Variants in STAMBP observed in about 807,000 individuals in gnomAD.
The protein encoded by STAMBP is STAM binding protein.
In STAMBP, 31 loss-of-function variants were observed where a neutral mutation model predicts 50.7. That is an observed-to-expected ratio of 0.61 (90% CI 0.46 to 0.83). STAMBP has a LOEUF of 0.83. Ranked by LOEUF, STAMBP falls within the 40% of genes least tolerant of loss-of-function variation. The pLI is 0.00. For synonymous variants in STAMBP, 211 were observed against 192.4 expected, an observed-to-expected ratio of 1.10 and a Z score of -0.80; for missense variants, 472 against 518.9, an observed-to-expected ratio of 0.91 and a Z score of 0.88.
In STAMBP at chr2:73,829,186, G is replaced by C. The variant is rs17009399; in HGVS notation, c.-337G>C. The C allele has an allele frequency of 0.19, 28,650 of 152,280 alleles. 4,994 individuals are homozygous for C. The highest frequency in any genetic ancestry group is 0.47 in the African/African-American group (19,347 of 41,494). The allele number at this position is 152,280 out of a possible 1,614,324, so 9.4% of individuals were successfully genotyped here. On this transcript the variant is annotated 5_prime_UTR_variant, in exon 1 of 10. Transcript: ENST00000394070. ...GGCGCCTGACCAGCCAGGCCCAGCG[G>C]TTCCCCGCCTACTGCATTTGAAAGA...
At chr2:73,838,426 G>A (rs1473227654) in intron 2 of STAMBP, among the ~76,000 whole-genome samples, 1 of 152,172 alleles carries the variant, frequency 6.6e-6, no homozygotes, top group African/African-American at 2.4e-5. Context: ...GAAAAATGGG[G>A]AAGTAGTTGA....
Position 73,850,428 on chromosome 2 carries a change from G to T in STAMBP, c.920G>T (p.Gly307Val). ...GTTCTCATCCCCAAGCAAAGTGCTG[G>T]GTCTGATTACTGCAACACAGAGAAC... ...THVLIPKQSA[G>V]SDYCNTENEE... Residue 307 changes from glycine (G) to valine (V), a missense_variant, in exon 7 of 10, where the codon GGG becomes GTG. Coordinates refer to ENST00000394070, the MANE Select transcript of STAMBP (RefSeq NM_213622.4). The surrounding 1 kb of genome is among the most constrained non-coding windows in gnomAD (Gnocchi z 4.3). 2 of 1,613,788 alleles carry T rather than the reference G, an allele frequency of 1.2e-6. No individual in the cohort carries two copies. Among genetic ancestry groups the T allele is most frequent in the Non-Finnish European group, 1.7e-6 (2 of 1,179,928 alleles).
chr2:73,833,797 GC>G (rs1436905163), intron 2 of STAMBP, among the ~76,000 whole-genome samples: 1 of 152,034 alleles, frequency 6.6e-6, no homozygotes, highest in Non-Finnish European at 1.5e-5. Flanking sequence ...GAGTAAAATG[GC>G]CCCTGTCCTT....
At chr2:73,869,347 AC>A (rs144813897), downstream of STAMBP, among the ~76,000 whole-genome samples, 1,314 of 152,312 alleles carry the variant, frequency 8.6e-3, 16 homozygotes, top group Non-Finnish European at 0.01. Flanking sequence ...TATGAAGAAA[AC>A]CAGTAAGCTT....
intron 4 of STAMBP, among the ~76,000 whole-genome samples, chr2:73,846,290 G>T (rs1454374526): frequency 6.6e-6 from 1 of 151,744 alleles, no homozygotes; most frequent in Non-Finnish European, 1.5e-5. Context: ...AAATTTCAGA[G>T]GCCTCATTTT....
chr2:73,855,309 T>C (rs1210047924), intron 7 of STAMBP, among the ~76,000 whole-genome samples: 1 of 152,206 alleles, frequency 6.6e-6, no homozygotes, highest in East Asian at 1.9e-4. Context: ...GTTTTCTCTT[T>C]GTCAAAGTGC....
chr2:73,846,399 G>A (rs1399607298), intron 4 of STAMBP, among the ~76,000 whole-genome samples: 3 of 150,514 alleles, frequency 2.0e-5, no homozygotes, highest in Non-Finnish European at 3.0e-5. Context: ...CCAGGAGTTC[G>A]AGACCAGCCT....
chr2:73,856,970 C>A (rs971813089), intron 7 of STAMBP, among the ~76,000 whole-genome samples: 2 of 152,172 alleles, frequency 1.3e-5, no homozygotes, highest in Admixed American at 6.5e-5. Context: ...CACACACCAA[C>A]CCCAGGGAAG....
intron 5 of STAMBP, among the ~76,000 whole-genome samples, chr2:73,849,093 G>A (rs1212515682): frequency 6.6e-6 from 1 of 152,178 alleles, no homozygotes; most frequent in South Asian, 2.1e-4. Context: ...TTTTCTTAAG[G>A]TAGTAGTTTG....
chr2:73,836,116 C>T (rs1381100415), intron 2 of STAMBP, among the ~76,000 whole-genome samples: 1 of 152,128 alleles, frequency 6.6e-6, no homozygotes, highest in Non-Finnish European at 1.5e-5. Context: ...AAAATCCATA[C>T]ATGTATTTAC....
chr2:73,868,089 G>T (rs1461634193), downstream of STAMBP, among the ~76,000 whole-genome samples: 1 of 147,064 alleles, frequency 6.8e-6, no homozygotes, highest in Non-Finnish European at 1.5e-5. Context: ...ACGCCATTGC[G>T]CTCCAGCCTG....
intron 1 of STAMBP, 78 bp downstream of exon 1, chr2:73,829,588 AG>A (rs1278786974): frequency 6.6e-6 from 1 of 152,140 alleles, no homozygotes; most frequent in Non-Finnish European, 1.5e-5. Flanking sequence ...TTACTTGGGG[AG>A]GTTTTAGATA....
intron 8 of STAMBP, 78 bp from the exon 9 acceptor site, chr2:73,859,974 G>GGTGT: frequency 2.1e-6 from 2 of 968,152 alleles, no homozygotes; most frequent in Non-Finnish European, 3.3e-6. Context: ...TGTGCATGCT[G>GGTGT]GTGTGTGTGT....
In STAMBP at chr2:73,850,505, T is replaced by G. The variant is rs746961743; in HGVS notation, c.997T>G (p.Trp333Gly). 14 of 1,613,084 alleles carry G rather than the reference T, an allele frequency of 8.7e-6. No homozygotes were observed. Among genetic ancestry groups the G allele is most frequent in the Non-Finnish European group, 1.2e-5 (14 of 1,179,606 alleles). Reference sequence around the variant, plus strand: ...TCAGCAGGGCCTCATCACACTGGGCTGGATTCATGTAAGCAATTCTGAGCT... The same window carrying G: ...TCAGCAGGGCCTCATCACACTGGGCGGGATTCATGTAAGCAATTCTGAGCT... The part of the protein sequence containing the change: ...QDQQGLITLG[W>G]IHTHPTQTAF... The change falls in exon 7 of 10, where the codon TGG becomes GGG. Residue 333 changes from tryptophan (W) to glycine (G), a missense_variant. Physicochemically the swap from Trp to Gly is radical, Grantham distance 184 (BLOSUM62 -2). Coordinates refer to ENST00000394070, the MANE Select transcript of STAMBP (RefSeq NM_213622.4). The surrounding 1 kb of genome is among the most constrained non-coding windows in gnomAD (Gnocchi z 4.3).
Position 73,835,105 on chromosome 2 carries a change from G to A in STAMBP, c.203+4046G>A, listed in dbSNP as rs114785583. Among the ~76,000 whole-genome samples the A allele has an allele frequency of 5.0e-3, 768 of 152,238 alleles. 6 individuals are homozygous for A. The highest frequency in any genetic ancestry group is 0.018 in the African/African-American group (728 of 41,522). On this transcript the variant is annotated intron_variant, in intron 2 of 9. Coordinates refer to ENST00000394070, the MANE Select transcript of STAMBP (RefSeq NM_213622.4). ...AGATGAGGTCTCGGCCGGGCACAGT[G>A]GCTCACGCCTGTGATCTCAGCACTT...
chr2:73,868,700 A>G (rs562531355), downstream of STAMBP, among the ~76,000 whole-genome samples: 6 of 152,148 alleles, frequency 3.9e-5, no homozygotes, highest in Admixed American at 2.6e-4. Context: ...CCTGGGCAAC[A>G]TAGTGAAACC....
Position 73,860,170 on chromosome 2 carries a change from G to C in STAMBP, c.1218+19G>C. The C allele has an allele frequency of 1.3e-6, 2 of 1,596,466 alleles. No homozygotes were observed. The highest frequency in any genetic ancestry group is 1.7e-6 in the Non-Finnish European group (2 of 1,165,276). ...GTTCTGTGTACGTATCTATGTAAAA[G>C]AAAATGGGGCTATGCTTCAAGCAGG... On this transcript the variant is annotated intron_variant, in intron 9 of 9. Coordinates refer to ENST00000394070, the MANE Select transcript of STAMBP (RefSeq NM_213622.4).
chr2:73,869,255 GA>G (rs147906664), downstream of STAMBP, among the ~76,000 whole-genome samples: 4,109 of 151,946 alleles, frequency 0.027, 185 homozygotes, highest in African/African-American at 0.089. Flanking sequence ...GTGATTGGGG[GA>G]AAAAAAATCT....
At chr2:73,830,620 A>G (rs1348875763) in intron 1 of STAMBP, among the ~76,000 whole-genome samples, 1 of 152,234 alleles carries the variant, frequency 6.6e-6, no homozygotes, top group Non-Finnish European at 1.5e-5. Context: ...ATTATGGTAC[A>G]GGGGTTGTAT....
Sources: allele counts gnomAD v4.1 joint callset (sites outside exome capture counted in the v4.1 genomes callset), GRCh38; gene constraint gnomAD v4.1.1; non-coding constraint Gnocchi (gnomAD v3.1); transcripts MANE v1.5; gene names NCBI Gene and HGNC (gene_info 2026-07-23, HGNC 2026-07-21).